FAF1: variants seen among roughly 807,000 people sequenced by gnomAD.
The protein encoded by FAF1 is FAS-associated factor 1.
FAF1 carries 25 observed loss-of-function variants against 92.5 expected under a neutral mutation model. The observed-to-expected ratio is 0.27, with a 90% CI of 0.20 to 0.38. The LOEUF is 0.38. FAF1 is among the 10% of genes least tolerant of loss of function. The probability of loss-of-function intolerance (pLI) is 1.00; values close to 1 mark genes in which losing one functional copy is unlikely to be tolerated. For missense variants in FAF1, 636 were observed against 793.3 expected, an observed-to-expected ratio of 0.80 and a Z score of 2.38; for synonymous variants, 234 against 273.2, an observed-to-expected ratio of 0.86 and a Z score of 1.42.
intron 1 of FAF1, among the ~76,000 whole-genome samples, chr1:50,891,395 C>T (rs772652253): frequency 3.9e-5 from 6 of 152,160 alleles, no homozygotes; most frequent in Non-Finnish European, 7.3e-5. Flanking sequence ...TGTTCCGTTG[C>T]TGGTGAGGAG....
intron 17 of FAF1, among the ~76,000 whole-genome samples, chr1:50,489,731 G>T (rs1374700126): frequency 2.0e-5 from 3 of 152,116 alleles, no homozygotes; most frequent in Middle Eastern, 3.2e-3. Context: ...AATCAATGAA[G>T]CTAAATGAAT....
chr1:50,527,009 C>G (rs1246102482), intron 15 of FAF1, among the ~76,000 whole-genome samples: 1 of 152,046 alleles, frequency 6.6e-6, no homozygotes, highest in Non-Finnish European at 1.5e-5. Flanking sequence ...TGCGTGCCAC[C>G]ATGCCCAGCA....
intron 5 of FAF1, among the ~76,000 whole-genome samples, chr1:50,742,787 A>T (rs1166552723): frequency 2.0e-5 from 3 of 152,146 alleles, no homozygotes; most frequent in Non-Finnish European, 4.4e-5. Context: ...TGATTTACTC[A>T]GTCAGCACTT....
chr1:50,857,879 A>C, intron 2 of FAF1, 50 bp downstream of exon 2: 5 of 1,155,774 alleles, frequency 4.3e-6, no homozygotes, highest in Non-Finnish European at 6.4e-6. Flanking sequence ...AAAGACATTC[A>C]AGAATTCATA....
chr1:50,662,439 G>C (rs1233521234), intron 7 of FAF1, among the ~76,000 whole-genome samples: 1 of 152,102 alleles, frequency 6.6e-6, no homozygotes, highest in South Asian at 2.1e-4. Flanking sequence ...AGATTACTAG[G>C]ATGATGATAG....
chr1:50,759,837 C>T (rs527437311), intron 4 of FAF1, among the ~76,000 whole-genome samples: 15 of 152,248 alleles, frequency 9.9e-5, no homozygotes, highest in East Asian at 1.9e-4. Context: ...TTTTAATGAT[C>T]GTCATTCTAA....
chr1:50,803,238 T>C (rs1662067137), intron 2 of FAF1, among the ~76,000 whole-genome samples: 1 of 152,162 alleles, frequency 6.6e-6, no homozygotes, highest in African/African-American at 2.4e-5. Flanking sequence ...GTTAAGAGAA[T>C]GCTCTGTGGT....
At chr1:50,755,525 T>C (rs1660042262) in intron 4 of FAF1, among the ~76,000 whole-genome samples, 1 of 152,196 alleles carries the variant, frequency 6.6e-6, no homozygotes, top group African/African-American at 2.4e-5. Flanking sequence ...CGGTGCAAGC[T>C]GTCCGTGGAT....
intron 4 of FAF1, 89 bp downstream of exon 4, chr1:50,787,911 C>G (rs1463024779): frequency 2.7e-6 from 3 of 1,098,166 alleles, no homozygotes; most frequent in Non-Finnish European, 4.0e-6. Context: ...CCTTCTTGCA[C>G]TGGTAGTCAA....
At chr1:50,612,442 C>T (rs1652725079) in intron 8 of FAF1, 15 of 1,119,872 alleles carry the variant, frequency 1.3e-5, no homozygotes, top group Non-Finnish European at 1.7e-5. Context: ...CATTTCAGCT[C>T]ATCATAACCA....
rs1334108453 is a variant in FAF1, at chr1:50,952,200, C to T, written c.45+7567G>A. 2.6e-5 allele frequency among the ~76,000 whole-genome samples: 4 copies of T among 152,208 alleles called. No homozygotes were observed. The East Asian group carries it at 7.7e-4, about 29-fold the overall frequency. ...CTGCCGCCATCTCGGCTCACTGCAA[C>T]CTCCCTGCCTGATTCTCCTGCCTCA... On this transcript the variant is annotated intron_variant, in intron 1 of 18. Coordinates refer to ENST00000396153, the MANE Select transcript of FAF1 (RefSeq NM_007051.3).
At position 50,457,724 on chromosome 1, in the gene FAF1, C is replaced by CAAAAAAAAAAAAAAAAAAA. The variant is rs35479561; in HGVS notation, c.1870-16220_1870-16202dup. On this transcript the variant is annotated intron_variant, in intron 18 of 18. Transcript: ENST00000396153. ...GCAATTCGGTGAAACCCCATCTCTGCAAAAAAAAAAAAAAAAAAAAAATAC... is the reference window on the plus strand; with the variant it reads ...GCAATTCGGTGAAACCCCATCTCTGCAAAAAAAAAAAAAAAAAAAAAAAAAAAAAAAAAAAAAAAAATAC... Among the ~76,000 whole-genome samples the CAAAAAAAAAAAAAAAAAAA allele has an allele frequency of 1.5e-3, 86 of 56,526 alleles. 1 individual carries two copies. Among genetic ancestry groups the CAAAAAAAAAAAAAAAAAAA allele is most frequent in the African/African-American group, 3.4e-3 (35 of 10,422 alleles). The allele number at this position is 56,526 out of a possible 152,430, so 37.1% of individuals were successfully genotyped here. A position where few individuals can be genotyped will look rare whatever the true frequency, so the allele number is the denominator to read the frequency against.
chr1:50,772,644 AACACTGAGCATACATGG>A (rs1366136524), intron 4 of FAF1, among the ~76,000 whole-genome samples: 2 of 152,310 alleles, frequency 1.3e-5, no homozygotes, highest in African/African-American at 4.8e-5. Context: ...GTGGGAGCTA[AACACTGAGCATACATGG>A]ACACAAAGAA....
At chr1:50,460,152 T>C (rs1646407664) in intron 18 of FAF1, among the ~76,000 whole-genome samples, 1 of 152,226 alleles carries the variant, frequency 6.6e-6, no homozygotes. Flanking sequence ...TTTTCATCTC[T>C]TATTTTATTT....
chr1:50,702,027 G>T, intron 7 of FAF1, among the ~76,000 whole-genome samples: 1 of 151,976 alleles, frequency 6.6e-6, no homozygotes, highest in East Asian at 1.9e-4. Context: ...GTTTCTTATT[G>T]TTATTCTGGG....
rs372422349 is a variant in FAF1, at chr1:50,539,701, A to G, written c.1296T>C (p.Phe432=). 6.9e-5 allele frequency: 111 copies of G among 1,612,374 alleles called. No homozygotes were observed. The African/African-American group carries it at 9.3e-4, about 14-fold the overall frequency. ...ARFLTMCNRH[F]GSVVAQTIRT... ...GAATGGTTTGTGCCACAACACTGCCAAAGTGTCTATTGCACATAGTGAGAA... is the reference window on the plus strand; with the variant it reads ...GAATGGTTTGTGCCACAACACTGCCGAAGTGTCTATTGCACATAGTGAGAA... The change falls in exon 14 of 19, where the codon TTT becomes TTC. Residue 432 remains phenylalanine (F), a synonymous_variant. Transcript: ENST00000396153.
intron 18 of FAF1, among the ~76,000 whole-genome samples, chr1:50,459,659 T>C (rs1283212111): frequency 1.3e-5 from 2 of 152,226 alleles, no homozygotes; most frequent in Non-Finnish European, 2.9e-5. Context: ...ATTGTTGCCA[T>C]CTTAGTACTG....
At chr1:50,466,930 T>C (rs775772981) in intron 18 of FAF1, among the ~76,000 whole-genome samples, 6 of 152,202 alleles carry the variant, frequency 3.9e-5, no homozygotes, top group Non-Finnish European at 8.8e-5. Context: ...CTCATAACAA[T>C]CTACCAAAAA....
chr1:50,846,624 CCCACAATCAGTGG>C (rs1644303873), intron 2 of FAF1: 1 of 530,460 alleles, frequency 1.9e-6, no homozygotes, highest in African/African-American at 1.9e-5. Flanking sequence ...AAGATCTCCA[CCCACAATCAGTGG>C]CACAACAGAG....
Sources: gnomAD v4.1 joint callset for allele counts (sites outside exome capture counted in the v4.1 genomes callset) on GRCh38, gnomAD v4.1.1 for gene constraint, MANE v1.5 for transcripts, NCBI Gene and HGNC (gene_info 2026-07-23, HGNC 2026-07-21) for gene names.